AQR: variants seen among roughly 807,000 people sequenced by gnomAD.
The protein encoded by AQR is RNA helicase aquarius.
A neutral mutation model predicts 180.5 loss-of-function variants in AQR; 61 were observed. The observed-to-expected ratio is 0.34, with a 90% CI of 0.28 to 0.42. The LOEUF is 0.42. AQR is among the 10% of genes least tolerant of loss of function. The pLI is 1.00. For missense variants in AQR, 1,281 were observed against 1,798.3 expected, an observed-to-expected ratio of 0.71 and a Z score of 5.20; for synonymous variants, 551 against 588.8, an observed-to-expected ratio of 0.94 and a Z score of 0.93.
intron 22 of AQR, among the ~76,000 whole-genome samples, chr15:34,894,515 A>T (rs1893200677): frequency 6.6e-6 from 1 of 152,184 alleles, no homozygotes; most frequent in South Asian, 2.1e-4. Flanking sequence ...GTTTTTTTAA[A>T]AAGTTCTTCA....
chr15:34,881,675 G>GA (rs1435523827), intron 27 of AQR, among the ~76,000 whole-genome samples: 2 of 152,180 alleles, frequency 1.3e-5, no homozygotes, highest in African/African-American at 4.8e-5. Context: ...TGCAGTCTAA[G>GA]AGTATTCCAT....
chr15:34,893,607 GCACA>G (rs386382691), intron 23 of AQR, 52 bp downstream of exon 23: 99,930 of 976,448 alleles, frequency 0.1, 4,291 homozygotes, highest in African/African-American at 0.14. Flanking sequence ...GCGCATGCGT[GCACA>G]CACACACACA....
intron 6 of AQR, 83 bp downstream of exon 6, chr15:34,944,205 G>T: frequency 7.6e-7 from 1 of 1,311,572 alleles, no homozygotes; most frequent in Non-Finnish European, 1.0e-6. Flanking sequence ...GAATGGAGTT[G>T]GCTACAGAGG....
At chr15:34,910,082 G>GA (rs1893476114) in intron 17 of AQR, 53 bp downstream of exon 17, 6 of 1,578,410 alleles carry the variant, frequency 3.8e-6, no homozygotes, top group Non-Finnish European at 5.2e-6. Flanking sequence ...TGCTCTAAGT[G>GA]AAAGTTCATA....
chr15:34,887,169 A>G (rs1254099626), intron 24 of AQR, among the ~76,000 whole-genome samples: 1 of 152,102 alleles, frequency 6.6e-6, no homozygotes, highest in African/African-American at 2.4e-5. Context: ...TCCATGGAAC[A>G]GTATTGATCT....
intron 9 of AQR, among the ~76,000 whole-genome samples, chr15:34,936,679 G>A (rs981930606): frequency 6.6e-6 from 1 of 151,284 alleles, no homozygotes; most frequent in African/African-American, 2.4e-5. Flanking sequence ...TTGTGCCACT[G>A]CACTCCAGCC....
chr15:34,968,588 T>C (rs1271425827), intron 1 of AQR, among the ~76,000 whole-genome samples: 10 of 152,150 alleles, frequency 6.6e-5, no homozygotes. Context: ...AGGCAAGTGA[T>C]ATGATGAGAT....
rs563174733 is a variant in AQR at position 34,891,457 on chromosome 15, T to C, written c.2572-1133A>G. 5.3e-5 allele frequency among the ~76,000 whole-genome samples: 8 copies of C among 152,248 alleles called. No individual in the cohort carries two copies. In the South Asian group the frequency reaches 1.4e-3, roughly 28 times the overall value. On this transcript the variant is annotated intron_variant, in intron 23 of 34. Coordinates refer to ENST00000156471, the MANE Select transcript of AQR (RefSeq NM_014691.3). ...AATGAAGATCTGGCAAACAAAACAGTTAACTGAAGGAAAACAATCAATTCG... is the reference window on the plus strand; with the variant it reads ...AATGAAGATCTGGCAAACAAAACAGCTAACTGAAGGAAAACAATCAATTCG...
chr15:34,890,740 A>C (rs1205544491), intron 23 of AQR, among the ~76,000 whole-genome samples: 1 of 152,232 alleles, frequency 6.6e-6, no homozygotes, highest in African/African-American at 2.4e-5. Flanking sequence ...GAATACATTA[A>C]GAGGACCAGA....
At chr15:34,930,572 T>C (rs1381570218) in intron 11 of AQR, among the ~76,000 whole-genome samples, 1 of 152,228 alleles carries the variant, frequency 6.6e-6, no homozygotes, top group Admixed American at 6.5e-5. Context: ...GTGAATAAAT[T>C]GTTAAATCTA....
chr15:34,939,139 G>T (rs1453047300), intron 8 of AQR, among the ~76,000 whole-genome samples: 1 of 152,146 alleles, frequency 6.6e-6, no homozygotes, highest in African/African-American at 2.4e-5. Flanking sequence ...CGCGATTTCA[G>T]CTCACTGCAA....
At chr15:34,885,105 C>A (rs146168547) in intron 25 of AQR, among the ~76,000 whole-genome samples, 1 of 152,294 alleles carries the variant, frequency 6.6e-6, no homozygotes, top group African/African-American at 2.4e-5. Context: ...AGAAATTGCT[C>A]ATTTTTTTCA....
rs1028946554 is a variant in AQR at position 34,854,277 on chromosome 15, A to G, written c.*2515T>C. 1.8e-4 allele frequency: 28 copies of G among 152,104 alleles called. No homozygotes were observed. Among genetic ancestry groups the G allele is most frequent in the African/African-American group, 6.3e-4 (26 of 41,412 alleles). 9.4% of individuals were successfully genotyped at this position (152,104 alleles called of 1,614,324 possible). A position where few individuals can be genotyped will look rare whatever the true frequency, so the allele number is the denominator to read the frequency against. ...CAAAGAGATTCTAAAATCATGACACATTTAGATATGAAAAATAGGATGGAG... is the reference window on the plus strand; with the variant it reads ...CAAAGAGATTCTAAAATCATGACACGTTTAGATATGAAAAATAGGATGGAG... On this transcript the variant is annotated 3_prime_UTR_variant, in exon 35 of 35. Coordinates refer to ENST00000156471, the MANE Select transcript of AQR (RefSeq NM_014691.3).
intron 33 of AQR, among the ~76,000 whole-genome samples, 176 bp downstream of exon 33, chr15:34,862,691 C>T (rs766651965): frequency 1.3e-5 from 2 of 152,138 alleles, no homozygotes; most frequent in Non-Finnish European, 2.9e-5. Context: ...AGCCACTGCG[C>T]CCTACCGATA....
chr15:34,967,551 G>A (rs2050316328), intron 1 of AQR, among the ~76,000 whole-genome samples: 1 of 152,130 alleles, frequency 6.6e-6, no homozygotes, highest in African/African-American at 2.4e-5. Context: ...CTCTAAAGTA[G>A]TGTAGAAGGC....
chr15:34,900,982 C>G, intron 19 of AQR, 119 bp from the exon 20 acceptor site: 3 of 1,318,574 alleles, frequency 2.3e-6, no homozygotes, highest in Non-Finnish European at 3.1e-6. Flanking sequence ...GAGCAAGAAG[C>G]TATTTTCCGC....
At chr15:34,958,974 T>TATATAG (rs11270252) in intron 3 of AQR, among the ~76,000 whole-genome samples, 1,893 of 149,412 alleles carry the variant, frequency 0.013, 33 homozygotes, top group African/African-American at 0.036. Context: ...TACATATAGA[T>TATATAG]ATATAGATAT....
At chr15:34,879,801 T>C (rs1255645399) in intron 27 of AQR, among the ~76,000 whole-genome samples, 1 of 152,122 alleles carries the variant, frequency 6.6e-6, no homozygotes, top group African/African-American at 2.4e-5. Context: ...GAGAGGATCT[T>C]GGAACTTGGA....
At chr15:34,919,755 G>A (rs1294841473) in intron 14 of AQR, among the ~76,000 whole-genome samples, 1 of 151,976 alleles carries the variant, frequency 6.6e-6, no homozygotes, top group South Asian at 2.1e-4. Flanking sequence ...AAAATTAGCT[G>A]GGAGTGGTGG....
Sources: allele counts gnomAD v4.1 joint callset (sites outside exome capture counted in the v4.1 genomes callset), GRCh38; gene constraint gnomAD v4.1.1; transcripts MANE v1.5; gene names NCBI Gene and HGNC (gene_info 2026-07-23, HGNC 2026-07-21).